Variants in SOX6 observed in about 807,000 individuals in gnomAD.
SOX6 encodes transcription factor SOX-6.
A neutral mutation model predicts 97.8 loss-of-function variants in SOX6; 11 were observed. The ratio of observed to expected loss-of-function variants is 0.11; its 90% CI spans 0.07 to 0.19. The LOEUF is 0.19. SOX6 is among the 10% of genes least tolerant of loss of function. The pLI, the probability that SOX6 is intolerant of heterozygous loss-of-function variation, is 1.00. For missense variants in SOX6, 810 were observed against 1,039.5 expected (o/e 0.78, Z 3.04); for synonymous variants, 360 against 371.4 (o/e 0.97, Z 0.35).
intron 2 of SOX6, among the ~76,000 whole-genome samples, chr11:16,721,618 C>CCTCTCTCTCT (rs59547335): frequency 4.5e-5 from 1 of 22,352 alleles, no homozygotes; most frequent in Non-Finnish European, 8.0e-5. Context: ...TCCCTCCCTC[C>CCTCTCTCTCT]CTCTCTCTCT....
At chr11:16,447,577 CTGT>C (rs1859638467) in intron 1 of SOX6, among the ~76,000 whole-genome samples, 2 of 152,002 alleles carry the variant, frequency 1.3e-5, no homozygotes, top group Non-Finnish European at 2.9e-5. Flanking sequence ...TTGATACATA[CTGT>C]TATTAATAGA....
chr11:16,314,589 T>C (rs1350091210), intron 3 of SOX6: 1 of 152,186 alleles, frequency 6.6e-6, no homozygotes, highest in Non-Finnish European at 1.5e-5. Context: ...TCTTAACTGG[T>C]GGTCCACAGA....
At chr11:16,562,439 A>T (rs1266022482) in intron 4 of SOX6, among the ~76,000 whole-genome samples, 1 of 152,164 alleles carries the variant, frequency 6.6e-6, no homozygotes, top group Non-Finnish European at 1.5e-5. Context: ...TCTCTATCCC[A>T]AGGACCAGGA....
At chr11:16,472,419 G>A (rs898674313) in intron 1 of SOX6, among the ~76,000 whole-genome samples, 2 of 152,102 alleles carry the variant, frequency 1.3e-5, no homozygotes, top group South Asian at 4.1e-4. Context: ...TTTTCACAAA[G>A]AGCCCTTCAA....
rs183387176 is a variant in SOX6, at chr11:16,019,111, C to T, written c.1624-4061G>A. Among the ~76,000 whole-genome samples the T allele has an allele frequency of 1.2e-3, 187 of 152,140 alleles. 3 individuals are homozygous for T. The highest frequency in any genetic ancestry group is 4.3e-3 in the African/African-American group (180 of 41,532). On this transcript the variant is annotated intron_variant, in intron 12 of 15. Transcript: ENST00000683767. ...TGCAGCCATCTCCTGAAAAACAACA[C>T]GTGAAATGTAATAATGCACTGGGTC...
At chr11:16,305,107 C>T (rs1228371902) in intron 3 of SOX6, among the ~76,000 whole-genome samples, 1 of 152,036 alleles carries the variant, frequency 6.6e-6, no homozygotes, top group Non-Finnish European at 1.5e-5. Flanking sequence ...TCTGTGAAAG[C>T]CCATGTAAAG....
In SOX6 at chr11:16,211,293, G is replaced by A. The variant is rs535928719; in HGVS notation, c.535+23289C>T. Among the ~76,000 whole-genome samples, 11 of 152,084 alleles carry A rather than the reference G, an allele frequency of 7.2e-5. No homozygotes were observed. The East Asian group carries it at 1.9e-3, about 27-fold the overall frequency. On this transcript the variant is annotated intron_variant, in intron 4 of 15. Coordinates refer to ENST00000683767, the MANE Select transcript of SOX6 (RefSeq NM_001367873.1). The stretch of plus-strand genomic sequence containing the variant: ...AGTAATGTGACTTAACTTTTTAAAA[G>A]GTTAGTCTGGCTTCTGTGTGGAAAA...
chr11:15,988,288 C>T (rs1236376205), intron 14 of SOX6, among the ~76,000 whole-genome samples: 1 of 151,050 alleles, frequency 6.6e-6, no homozygotes, highest in Non-Finnish European at 1.5e-5. Context: ...ACAATCCACA[C>T]TAGGCAAGCT....
At chr11:16,697,459 C>G (rs544627728) in intron 3 of SOX6, among the ~76,000 whole-genome samples, 2 of 152,232 alleles carry the variant, frequency 1.3e-5, no homozygotes, top group East Asian at 3.9e-4. Flanking sequence ...CATGGCAAAA[C>G]CCCATCTCTA....
intron 1 of SOX6, among the ~76,000 whole-genome samples, chr11:16,436,446 T>A (rs1353119205): frequency 6.6e-6 from 1 of 152,048 alleles, no homozygotes; most frequent in Non-Finnish European, 1.5e-5. Flanking sequence ...CAGCCATATA[T>A]CATCTATCAC....
intron 1 of SOX6, among the ~76,000 whole-genome samples, chr11:16,401,262 C>T (rs868834399): frequency 6.6e-6 from 1 of 151,428 alleles, no homozygotes; most frequent in African/African-American, 2.4e-5. Context: ...GATTCTGGAT[C>T]CTATGCTAGT....
chr11:16,447,677 T>C (rs538447630), intron 1 of SOX6, among the ~76,000 whole-genome samples: 33 of 152,306 alleles, frequency 2.2e-4, no homozygotes, highest in African/African-American at 7.5e-4. Flanking sequence ...TGGAGGAGAC[T>C]TAGTTCTTTG....
chr11:16,590,203 G>C (rs995248241), intron 4 of SOX6, among the ~76,000 whole-genome samples: 4 of 152,120 alleles, frequency 2.6e-5, no homozygotes, highest in African/African-American at 9.7e-5. Flanking sequence ...AGAAATGTCA[G>C]GTAGGACGCT....
At chr11:16,636,624 G>T (rs1226169985) in intron 3 of SOX6, among the ~76,000 whole-genome samples, 1 of 152,144 alleles carries the variant, frequency 6.6e-6, no homozygotes, top group East Asian at 1.9e-4. Context: ...GGGGCAAAAT[G>T]ATATGGATTG....
intron 3 of SOX6, among the ~76,000 whole-genome samples, chr11:16,620,720 A>G (rs1406826862): frequency 2.6e-5 from 4 of 152,188 alleles, no homozygotes; most frequent in African/African-American, 9.7e-5. Context: ...AATTTCAGCA[A>G]TTTTGTGATT....
At chr11:16,111,963 A>G (rs1284497578) in intron 6 of SOX6, 40 bp from the exon 7 acceptor site, 2 of 1,610,650 alleles carry the variant, frequency 1.2e-6, no homozygotes, top group African/African-American at 2.7e-5. Context: ...ACAGGGAGCA[A>G]ATGTATGCCA....
intron 1 of SOX6, among the ~76,000 whole-genome samples, chr11:16,364,090 TTAAC>T (rs1301873035): frequency 6.6e-6 from 1 of 152,140 alleles, no homozygotes; most frequent in Non-Finnish European, 1.5e-5. Flanking sequence ...ACCCAACAAA[TTAAC>T]TATAAAGAAT....
intron 1 of SOX6, among the ~76,000 whole-genome samples, chr11:16,406,197 C>T (rs1392154742): frequency 1.3e-5 from 2 of 151,956 alleles, no homozygotes; most frequent in African/African-American, 2.4e-5. Flanking sequence ...TTCTTGAAAC[C>T]AACAGGAAAT....
intron 6 of SOX6, among the ~76,000 whole-genome samples, chr11:16,150,247 A>G (rs1373117285): frequency 6.6e-6 from 1 of 152,192 alleles, no homozygotes; most frequent in African/African-American, 2.4e-5. Flanking sequence ...GTTGGGAAGA[A>G]CTACTTTTAT....
Sources: allele counts gnomAD v4.1 joint callset (sites outside exome capture counted in the v4.1 genomes callset), GRCh38; gene constraint gnomAD v4.1.1; transcripts MANE v1.5; gene names NCBI Gene and HGNC (gene_info 2026-07-23, HGNC 2026-07-21).